VIPR2: variants seen among roughly 807,000 people sequenced by gnomAD.
VIPR2 encodes vasoactive intestinal polypeptide receptor 2.
VIPR2 carries 48 observed loss-of-function variants against 58.0 expected under a neutral mutation model. That is an observed-to-expected ratio of 0.83 (90% CI 0.66 to 1.05). The LOEUF (loss-of-function observed/expected upper bound fraction) is 1.05, where lower values mean the gene tolerates loss of function less well. VIPR2 is among the 50% of genes least tolerant of loss of function. The pLI is 0.00. For synonymous variants in VIPR2, 243 were observed against 235.2 expected, an observed-to-expected ratio of 1.03 and a Z score of -0.30; for missense variants, 534 against 558.0, an observed-to-expected ratio of 0.96 and a Z score of 0.43.
At chr7:159,040,356 T>G (rs926938161) in intron 6 of VIPR2, among the ~76,000 whole-genome samples, 4 of 152,206 alleles carry the variant, frequency 2.6e-5, no homozygotes, top group African/African-American at 9.6e-5. Context: ...AGCCTCTGTG[T>G]GAGCACGTGA....
chr7:159,110,963 A>C (rs1795975767), intron 2 of VIPR2, among the ~76,000 whole-genome samples: 1 of 152,248 alleles, frequency 6.6e-6, no homozygotes, highest in African/African-American at 2.4e-5. Flanking sequence ...CCAATACTTG[A>C]ATAAGTACAT....
chr7:159,094,435 C>T (rs115242449), intron 4 of VIPR2, among the ~76,000 whole-genome samples: 1 of 152,256 alleles, frequency 6.6e-6, no homozygotes, highest in African/African-American at 2.4e-5. Flanking sequence ...ACCCGTCAGC[C>T]AGGGCTGGCA....
intron 4 of VIPR2, among the ~76,000 whole-genome samples, chr7:159,061,201 A>T (rs897436411): frequency 1.4e-4 from 21 of 152,210 alleles, no homozygotes; most frequent in Non-Finnish European, 1.0e-4. Context: ...AAATGGAGGG[A>T]GAAACGGAGG....
At chr7:159,090,415 T>C (rs1313250895) in intron 4 of VIPR2, among the ~76,000 whole-genome samples, 11 of 42,186 alleles carry the variant, frequency 2.6e-4, no homozygotes, top group African/African-American at 4.7e-4. Context: ...CACACTGGGA[T>C]CACGCACAGG....
At chr7:159,137,920 C>T (rs752709193) in intron 2 of VIPR2, among the ~76,000 whole-genome samples, 3 of 152,196 alleles carry the variant, frequency 2.0e-5, no homozygotes, top group African/African-American at 4.8e-5. Context: ...ATACAACTGA[C>T]GTCTACACCA....
intron 5 of VIPR2, among the ~76,000 whole-genome samples, chr7:159,046,029 C>T (rs1854629279): frequency 6.6e-6 from 1 of 151,892 alleles, no homozygotes; most frequent in Non-Finnish European, 1.5e-5. Flanking sequence ...TTGCATACCA[C>T]TAGATGGCAA....
At chr7:159,082,316 G>A (rs1856947394) in intron 4 of VIPR2, among the ~76,000 whole-genome samples, 1 of 152,132 alleles carries the variant, frequency 6.6e-6, no homozygotes, top group Admixed American at 6.5e-5. Flanking sequence ...TCCTTTGTAG[G>A]GACACGGATG....
At position 159,093,145 on chromosome 7, in the gene VIPR2, G is replaced by C. The variant is rs1319365258; in HGVS notation, c.357+10612C>G. On this transcript the variant is annotated intron_variant, in intron 4 of 12. Transcript: ENST00000262178. This position sits in a 1 kb window ranked among gnomAD's most constrained non-coding sequence, Gnocchi z 6.7. ...TGTGGTCCTGCGGGGGCTGGTGGGGGCAGAAGACATTTCCTCAAGACACTG... is the reference window on the plus strand; with the variant it reads ...TGTGGTCCTGCGGGGGCTGGTGGGGCCAGAAGACATTTCCTCAAGACACTG... Among the ~76,000 whole-genome samples the C allele has an allele frequency of 6.6e-6, 1 of 152,166 alleles. No individual in the cohort carries two copies. Among genetic ancestry groups the C allele is most frequent in the East Asian group, 1.9e-4 (1 of 5,194 alleles).
intron 2 of VIPR2, chr7:159,117,087 C>G: frequency 1.9e-6 from 1 of 528,444 alleles, no homozygotes; most frequent in Non-Finnish European, 3.4e-6. Context: ...AAGGCGAGAG[C>G]CCCTGTCCTC....
intron 2 of VIPR2, chr7:159,117,173 G>A (rs987540743): frequency 2.1e-5 from 13 of 627,918 alleles, no homozygotes; most frequent in Non-Finnish European, 2.6e-5. Flanking sequence ...GGAGCCAGCC[G>A]AGCAGTCGGG....
At chr7:159,044,707 G>A (rs1488800676) in intron 5 of VIPR2, among the ~76,000 whole-genome samples, 2 of 151,310 alleles carry the variant, frequency 1.3e-5, no homozygotes, top group Admixed American at 6.6e-5. Flanking sequence ...AAGTAACCAT[G>A]TAGAAATTTT....
intron 3 of VIPR2, among the ~76,000 whole-genome samples, chr7:159,106,522 C>G (rs1362076459): frequency 1.9e-5 from 2 of 106,988 alleles, no homozygotes; most frequent in African/African-American, 7.5e-5. Flanking sequence ...CAAGGAGGGG[C>G]AGAGAGAGGC....
intron 4 of VIPR2, among the ~76,000 whole-genome samples, chr7:159,085,501 G>A (rs1857123079): frequency 1.3e-5 from 2 of 151,998 alleles, no homozygotes; most frequent in South Asian, 4.2e-4. Flanking sequence ...GCACCATGTT[G>A]GTCAGGCTGG....
intron 4 of VIPR2, among the ~76,000 whole-genome samples, chr7:159,080,535 G>T (rs1426772565): frequency 6.6e-6 from 1 of 152,166 alleles, no homozygotes; most frequent in Non-Finnish European, 1.5e-5. Context: ...AAAACTGGAA[G>T]CATTCCCTTT....
chr7:159,032,157 G>GT, intron 10 of VIPR2, 90 bp from the exon 11 acceptor site: 1 of 1,546,660 alleles, frequency 6.5e-7, no homozygotes, highest in South Asian at 1.2e-5. Flanking sequence ...GGGCAGCTGG[G>GT]TGTGGGAGGG....
intron 5 of VIPR2, among the ~76,000 whole-genome samples, chr7:159,052,395 A>G (rs1004528212): frequency 1.3e-5 from 2 of 152,244 alleles, no homozygotes; most frequent in African/African-American, 4.8e-5. Flanking sequence ...TATCTGGTTT[A>G]GAAATTTTGG....
At chr7:159,090,071 C>T (rs145838313) in intron 4 of VIPR2, among the ~76,000 whole-genome samples, 1,345 of 112,638 alleles carry the variant, frequency 0.012, 15 homozygotes, top group East Asian at 0.029. Flanking sequence ...AGCACAGACA[C>T]GCTGGGACCA....
chr7:159,057,865 G>A (rs1162231260), intron 5 of VIPR2, among the ~76,000 whole-genome samples: 1 of 152,060 alleles, frequency 6.6e-6, no homozygotes, highest in Admixed American at 6.6e-5. Flanking sequence ...GGTGTGCAGG[G>A]GCCATCTCAC....
intron 4 of VIPR2, among the ~76,000 whole-genome samples, chr7:159,074,866 G>A (rs753922289): frequency 5.3e-5 from 8 of 152,056 alleles, no homozygotes; most frequent in African/African-American, 9.7e-5. Flanking sequence ...AAAAGAACTC[G>A]TTTTTCTGAA....
Sources: allele counts gnomAD v4.1 joint callset (sites outside exome capture counted in the v4.1 genomes callset), GRCh38; gene constraint gnomAD v4.1.1; non-coding constraint Gnocchi (gnomAD v3.1); transcripts MANE v1.5; gene names NCBI Gene and HGNC (gene_info 2026-07-23, HGNC 2026-07-21).